The following TAOK1 variants were observed in gnomAD, a reference collection of about 807,000 sequenced individuals.
TAOK1 encodes the protein serine/threonine-protein kinase TAO1.
TAOK1 carries 21 observed loss-of-function variants against 138.3 expected under a neutral mutation model. That is an observed-to-expected ratio of 0.15 (90% CI 0.11 to 0.22). TAOK1 has a LOEUF of 0.22. Among genes scored for constraint, TAOK1 ranks in the 10% least tolerant of loss-of-function variants. TAOK1 has a pLI of 1.00. For missense variants in TAOK1, 651 were observed against 1,227.7 expected (o/e 0.53, Z 7.02); for synonymous variants, 361 against 398.4 (o/e 0.91, Z 1.12).
At chr17:29,504,524 G>A (rs578170948) in intron 13 of TAOK1, among the ~76,000 whole-genome samples, 3 of 151,816 alleles carry the variant, frequency 2.0e-5, no homozygotes, top group African/African-American at 7.2e-5. Flanking sequence ...ACAAAAATTA[G>A]CTGGGCGTGA....
chr17:29,510,099 G>A (rs776195080), intron 14 of TAOK1, among the ~76,000 whole-genome samples: 3 of 151,590 alleles, frequency 2.0e-5, no homozygotes, highest in Admixed American at 6.6e-5. Flanking sequence ...ATTAGAGGCC[G>A]GGCATGGTGG....
At chr17:29,471,739 G>A (rs2030823612) in intron 3 of TAOK1, among the ~76,000 whole-genome samples, 1 of 152,134 alleles carries the variant, frequency 6.6e-6, no homozygotes. Flanking sequence ...CTTAAAATCT[G>A]ACAACAGTGA....
intron 1 of TAOK1, among the ~76,000 whole-genome samples, chr17:29,415,613 G>C (rs1212020858): frequency 6.6e-6 from 1 of 152,142 alleles, no homozygotes; most frequent in Middle Eastern, 3.4e-3. Flanking sequence ...GCATCTTTTC[G>C]TGCACTCAGC....
intron 1 of TAOK1, among the ~76,000 whole-genome samples, chr17:29,415,658 A>C (rs1447246461): frequency 2.6e-5 from 4 of 152,246 alleles, no homozygotes; most frequent in African/African-American, 9.6e-5. Flanking sequence ...ATATAAAATA[A>C]ACTTCTAATT....
Position 29,534,205 on chromosome 17 carries a change from A to G in TAOK1, c.2449A>G (p.Ser817Gly). 1 of 1,613,878 alleles carries G rather than the reference A, an allele frequency of 6.2e-7. No individual in the cohort carries two copies. Among genetic ancestry groups the G allele is most frequent in the Non-Finnish European group, 8.5e-7 (1 of 1,179,908 alleles). ...QELELLNAYQ[S>G]KIKMQAEAQH... is the part of the protein sequence containing the mutation. ...ACTGGAGCTGTTGAATGCGTATCAGAGCAAAATCAAGATGCAAGCTGAGGC... is the reference window on the plus strand; with the variant it reads ...ACTGGAGCTGTTGAATGCGTATCAGGGCAAAATCAAGATGCAAGCTGAGGC... The change falls in exon 19 of 20, where the codon AGC becomes GGC. Residue 817 changes from serine (S) to glycine (G), a missense_variant. Physicochemically the swap from Ser to Gly is moderately conservative, Grantham distance 56 (BLOSUM62 0). Around this residue, in one of 8 missense-constraint regions of TAOK1, gnomAD observed 258 missense variants for 548.9 expected, o/e 0.47. Coordinates refer to ENST00000261716, the MANE Select transcript of TAOK1 (RefSeq NM_020791.4).
chr17:29,547,924 G>A lies in TAOK1; in HGVS notation c.*4902G>A, dbSNP rs2032427511. ...ACTACTGATTGAAGTCTGTTTTGCTGTGTCTGGTTATGTTGTCTGCACTTT... is the reference window on the plus strand; with the variant it reads ...ACTACTGATTGAAGTCTGTTTTGCTATGTCTGGTTATGTTGTCTGCACTTT... On this transcript the variant is annotated 3_prime_UTR_variant, in exon 20 of 20. Transcript: ENST00000261716. 6.6e-6 allele frequency: 1 copy of A among 152,122 alleles called. No homozygotes were observed. Among genetic ancestry groups the A allele is most frequent in the Admixed American group, 6.6e-5 (1 of 15,256 alleles). The allele number at this position is 152,122 out of a possible 1,614,324, so 9.4% of individuals were successfully genotyped here. A position where few individuals can be genotyped will look rare whatever the true frequency, so the allele number is the denominator to read the frequency against.
intron 19 of TAOK1, among the ~76,000 whole-genome samples, chr17:29,539,739 T>A (rs961886789): frequency 2.0e-5 from 3 of 152,122 alleles, no homozygotes; most frequent in African/African-American, 7.2e-5. Context: ...ACCCAGCCAA[T>A]TTTTGTATTT....
intron 16 of TAOK1, among the ~76,000 whole-genome samples, chr17:29,522,025 A>G (rs1444796516): frequency 6.6e-6 from 1 of 152,156 alleles, no homozygotes; most frequent in Non-Finnish European, 1.5e-5. Flanking sequence ...AGAATGTTAA[A>G]CCTCTTGATA....
At position 29,502,662 on chromosome 17, in the gene TAOK1, C is replaced by A; in HGVS notation, c.1277C>A (p.Ser426Tyr). 3.7e-6 allele frequency: 6 copies of A among 1,613,880 alleles called. No homozygotes were observed. The highest frequency in any genetic ancestry group is 5.1e-6 in the Non-Finnish European group (6 of 1,179,976). The change falls in exon 13 of 20, where the codon TCT becomes TAT. Residue 426 changes from serine to tyrosine, a missense_variant. Ser to Tyr is a moderately radical substitution (Grantham distance 144, BLOSUM62 -2). This residue lies in a region of TAOK1 where 104 missense variants were observed against 151.7 expected (regional missense o/e 0.69). Coordinates refer to ENST00000261716, the MANE Select transcript of TAOK1 (RefSeq NM_020791.4). Reference sequence around the variant, plus strand: ...GATCCACAATCTCCACCCCAAGTATCTCGTCACAAATCACACTATCGTAAT... The same window carrying A: ...GATCCACAATCTCCACCCCAAGTATATCGTCACAAATCACACTATCGTAAT... Reference protein sequence around the residue: ...ASDPQSPPQVSRHKSHYRNRE... With the variant: ...ASDPQSPPQVYRHKSHYRNRE...
intron 1 of TAOK1, among the ~76,000 whole-genome samples, chr17:29,393,363 TA>T (rs1168737630): frequency 3.9e-5 from 6 of 151,938 alleles, no homozygotes; most frequent in African/African-American, 1.4e-4. Flanking sequence ...CAGCATGCTA[TA>T]ACTAAGGACA....
intron 7 of TAOK1, among the ~76,000 whole-genome samples, chr17:29,481,816 C>T (rs2031069489): frequency 6.6e-6 from 1 of 151,952 alleles, no homozygotes; most frequent in Non-Finnish European, 1.5e-5. Context: ...AAAAATTAGC[C>T]AGGCATGGTG....
Position 29,511,000 on chromosome 17 carries a change from T to C in TAOK1, c.1704+8T>C, listed in dbSNP as rs370835359. On this transcript the variant is annotated splice_region_variant and intron_variant, in intron 15 of 19. Coordinates refer to ENST00000261716, the MANE Select transcript of TAOK1 (RefSeq NM_020791.4). ...AAAGAGCAGCTTAAAGAGGTACTTA[T>C]GTCATAAAACTTTCCAAGCAAATTT... 17 of 1,582,892 alleles carry C rather than the reference T, an allele frequency of 1.1e-5. No homozygotes were observed. The highest frequency in any genetic ancestry group is 1.1e-5 in the Non-Finnish European group (13 of 1,169,858).
chr17:29,422,350 C>T (rs559255264), intron 1 of TAOK1, among the ~76,000 whole-genome samples: 1 of 151,244 alleles, frequency 6.6e-6, no homozygotes, highest in Non-Finnish European at 1.5e-5. Flanking sequence ...ACTACAGGCA[C>T]GAGCCACCAC....
chr17:29,524,721 G>A (rs1425127328), intron 17 of TAOK1, among the ~76,000 whole-genome samples: 2 of 152,082 alleles, frequency 1.3e-5, no homozygotes, highest in Non-Finnish European at 2.9e-5. Context: ...CTTTAGTAGC[G>A]GAGGCAGAAT....
intron 14 of TAOK1, among the ~76,000 whole-genome samples, chr17:29,509,213 A>G (rs1005801716): frequency 6.6e-6 from 1 of 151,916 alleles, no homozygotes; most frequent in Non-Finnish European, 1.5e-5. Flanking sequence ...TCTGTCGCCC[A>G]GGCTGGAGTG....
intron 14 of TAOK1, among the ~76,000 whole-genome samples, chr17:29,508,526 T>A (rs935884984): frequency 6.6e-6 from 1 of 152,212 alleles, no homozygotes; most frequent in African/African-American, 2.4e-5. Flanking sequence ...TTTTGTAGTG[T>A]CACAATAGGT....
At chr17:29,416,243 G>A (rs1185556927) in intron 1 of TAOK1, among the ~76,000 whole-genome samples, 2 of 152,146 alleles carry the variant, frequency 1.3e-5, no homozygotes, top group Non-Finnish European at 2.9e-5. Flanking sequence ...CAGTCTGAGT[G>A]ACACAGTGAG....
intron 12 of TAOK1, among the ~76,000 whole-genome samples, chr17:29,499,495 G>T (rs146498133): frequency 0.011 from 1,618 of 151,274 alleles, 36 homozygotes; most frequent in African/African-American, 0.037. Flanking sequence ...GCCTCCCAAA[G>T]TGCTGGGATT....
rs2150781418 is a variant in TAOK1, at chr17:29,546,227, G to A, written c.*3205G>A. The stretch of plus-strand genomic sequence containing the variant: ...CTTGTATTTGAAGCCACACACACTG[G>A]TGTAATATGCTTAGTACTCTAGGTC... On this transcript the variant is annotated 3_prime_UTR_variant, in exon 20 of 20. Transcript: ENST00000261716. 1 of 152,176 alleles carries A rather than the reference G, an allele frequency of 6.6e-6. No individual in the cohort carries two copies. Among genetic ancestry groups the A allele is most frequent in the Middle Eastern group, 3.4e-3 (1 of 294 alleles). 9.4% of individuals were successfully genotyped at this position (152,176 alleles called of 1,614,324 possible). A position where few individuals can be genotyped will look rare whatever the true frequency, so the allele number is the denominator to read the frequency against.
Sources: gnomAD v4.1 joint callset for allele counts (sites outside exome capture counted in the v4.1 genomes callset) on GRCh38, gnomAD v4.1.1 for gene constraint, gnomAD v4.1.1 regional missense constraint, MANE v1.5 for transcripts, NCBI Gene and HGNC (gene_info 2026-07-23, HGNC 2026-07-21) for gene names.